Variants in SLC25A32 observed in about 807,000 individuals in gnomAD.
SLC25A32 encodes solute carrier family 25 member 32, also known as Glycine auxotroph B, complementation of hamster.
SLC25A32 carries 32 observed loss-of-function variants against 39.0 expected under a neutral mutation model. The observed-to-expected ratio is 0.82, with a 90% CI of 0.62 to 1.10. SLC25A32 has a LOEUF of 1.10. SLC25A32 is among the 50% of genes least tolerant of loss of function. SLC25A32 has a pLI of 0.00. For missense variants in SLC25A32, 367 were observed against 395.3 expected (o/e 0.93, Z 0.61); for synonymous variants, 166 against 152.4 (o/e 1.09, Z -0.66).
intron 6 of SLC25A32, among the ~76,000 whole-genome samples, chr8:103,401,024 A>G (rs1586109773): frequency 6.6e-6 from 1 of 152,232 alleles, no homozygotes; most frequent in African/African-American, 2.4e-5. Flanking sequence ...TAAACATCCT[A>G]AATGTTCTCC....
chr8:103,414,766 G>A lies in SLC25A32; in HGVS notation c.154+18C>T. The A allele has an allele frequency of 6.2e-7, 1 of 1,613,356 alleles. No individual in the cohort carries two copies. Among genetic ancestry groups the A allele is most frequent in the Non-Finnish European group, 8.5e-7 (1 of 1,179,810 alleles). ...TGACAGTGAGAGGATGCAGCCCGGT[G>A]TCTGGGCGGGCTCTTACCGGCGAAG... On this transcript the variant is annotated intron_variant, in intron 1 of 6. Coordinates refer to ENST00000297578, the MANE Select transcript of SLC25A32 (RefSeq NM_030780.5).
At chr8:103,401,144 CA>C (rs1238076053) in intron 6 of SLC25A32, among the ~76,000 whole-genome samples, 19 of 152,188 alleles carry the variant, frequency 1.2e-4, no homozygotes, top group Non-Finnish European at 2.2e-4. Flanking sequence ...CAAGTATTTG[CA>C]AAAGTTATGG....
In SLC25A32 at chr8:103,407,543, CAACTT is replaced by C. The variant is rs1816358232; in HGVS notation, c.305+86_305+90del. 15 of 1,065,760 alleles carry C rather than the reference CAACTT, an allele frequency of 1.4e-5. No homozygotes were observed. The South Asian group carries it at 2.6e-4, about 18-fold the overall frequency. The allele number at this position is 1,065,760 out of a possible 1,614,324, so 66.0% of individuals were successfully genotyped here. A position where few individuals can be genotyped will look rare whatever the true frequency, so the allele number is the denominator to read the frequency against. On this transcript the variant is annotated intron_variant, in intron 2 of 6. Coordinates refer to ENST00000297578, the MANE Select transcript of SLC25A32 (RefSeq NM_030780.5). ...ATTCAGAGAAACTGATTAAATGACT[CAACTT>C]ATCATTTTACATTTACATGTAAAAA...
chr8:103,399,316 T>C lies in SLC25A32; in HGVS notation c.*1095A>G, dbSNP rs1816166916. On this transcript the variant is annotated 3_prime_UTR_variant, in exon 7 of 7. Transcript: ENST00000297578. ...TCTATTTAGCATCTGTAATAAGTGA[T>C]TTATAGTTATATATGCTAAATAAAG... 1 of 152,232 alleles carries C rather than the reference T, an allele frequency of 6.6e-6. No individual in the cohort carries two copies. The allele number at this position is 152,232 out of a possible 1,614,324, so 9.4% of individuals were successfully genotyped here.
At chr8:103,401,448 C>A in intron 6 of SLC25A32, 68 bp downstream of exon 6, 1 of 1,462,904 alleles carries the variant, frequency 6.8e-7, no homozygotes. Context: ...AAACTAGTAT[C>A]AACAGGATGG....
rs370723155 is a variant in SLC25A32 at position 103,403,235 on chromosome 8, G to A, written c.481C>T (p.Arg161Ter). 1.7e-5 allele frequency: 27 copies of A among 1,611,968 alleles called. No homozygotes were observed. Among genetic ancestry groups the A allele is most frequent in the Non-Finnish European group, 1.8e-5 (21 of 1,178,832 alleles). Residue 161 changes from arginine to a stop codon, truncating the protein, a stop_gained, in exon 4 of 7, where the codon CGA becomes TGA. Transcript: ENST00000297578. LOFTEE classifies it high-confidence loss of function. ...QYDAVVNSPH[R>*]QYKGMFDTLV... Reference sequence around the variant, plus strand: ...GTATCAAACATTCCTTTATATTGTCGGTGTGGGGAGTTAACAACAGCATCA... The same window carrying A: ...GTATCAAACATTCCTTTATATTGTCAGTGTGGGGAGTTAACAACAGCATCA...
chr8:103,415,093 G>A lies in SLC25A32; in HGVS notation c.-156C>T, dbSNP rs1247623049. The A allele has an allele frequency of 3.7e-6, 6 of 1,610,348 alleles. No individual in the cohort carries two copies. In the East Asian group the frequency reaches 6.7e-5, roughly 18 times the overall value. ...ATGCCCAAGGCGCGTGAGCGAAGCC[G>A]GAGACTCTAGTACTGAGGGGGCAAG... On this transcript the variant is annotated 5_prime_UTR_variant, in exon 1 of 7. Transcript: ENST00000297578.
At position 103,414,723 on chromosome 8, in the gene SLC25A32, A is replaced by C. The variant is rs549541582; in HGVS notation, c.154+61T>G. ...CCTCCCCCTAGAACGGAAAAGACGG[A>C]GGAGATCCAGTTCGGGCTGACAGTG... On this transcript the variant is annotated intron_variant, in intron 1 of 6. Coordinates refer to ENST00000297578, the MANE Select transcript of SLC25A32 (RefSeq NM_030780.5). The C allele has an allele frequency of 8.1e-6, 13 of 1,603,282 alleles. No individual in the cohort carries two copies. The African/African-American group carries it at 1.3e-4, about 16-fold the overall frequency.
chr8:103,404,424 T>C (rs758694855), intron 3 of SLC25A32, among the ~76,000 whole-genome samples: 1 of 151,960 alleles, frequency 6.6e-6, no homozygotes, highest in Non-Finnish European at 1.5e-5. Context: ...TGAAACCCCA[T>C]CTCTACTAAA....
intron 1 of SLC25A32, among the ~76,000 whole-genome samples, chr8:103,409,176 GTATT>G (rs902594989): frequency 1.6e-4 from 25 of 152,274 alleles, no homozygotes; most frequent in African/African-American, 6.0e-4. Context: ...TATAAGTAGA[GTATT>G]AAGTATCTCA....
intron 1 of SLC25A32, among the ~76,000 whole-genome samples, chr8:103,410,425 G>A (rs1816440730): frequency 6.6e-6 from 1 of 152,158 alleles, no homozygotes; most frequent in Non-Finnish European, 1.5e-5. Context: ...CCGATCAGTG[G>A]TGGCATTGGG....
At chr8:103,413,425 G>A (rs1225359624) in intron 1 of SLC25A32, among the ~76,000 whole-genome samples, 3 of 152,194 alleles carry the variant, frequency 2.0e-5, no homozygotes, top group Non-Finnish European at 4.4e-5. Context: ...TAGATTACCT[G>A]GGTTTAAATC....
chr8:103,410,216 A>AAT (rs1816434237), intron 1 of SLC25A32, among the ~76,000 whole-genome samples: 1 of 152,204 alleles, frequency 6.6e-6, no homozygotes, highest in African/African-American at 2.4e-5. Flanking sequence ...ATAAAATTAA[A>AAT]ATTGTTATAT....
rs751374583 is a variant in SLC25A32 at position 103,409,813 on chromosome 8, G to A, written c.155-2029C>T. On this transcript the variant is annotated intron_variant, in intron 1 of 6. Coordinates refer to ENST00000297578, the MANE Select transcript of SLC25A32 (RefSeq NM_030780.5). ...TAAAGTACATCAGGTTTTGTCAGAA[G>A]ACCTGGGTTTGATACGTAACCTCCC... Among the ~76,000 whole-genome samples the A allele has an allele frequency of 5.8e-4, 89 of 152,334 alleles. No individual in the cohort carries two copies. In the Middle Eastern group the frequency reaches 0.017, roughly 29 times the overall value.
intron 3 of SLC25A32, among the ~76,000 whole-genome samples, 161 bp downstream of exon 3, chr8:103,404,615 C>T (rs1278270145): frequency 1.3e-5 from 2 of 151,448 alleles, no homozygotes; most frequent in African/African-American, 2.4e-5. Flanking sequence ...AACCAAAAAC[C>T]GAAAAACAAA....
At chr8:103,414,700 T>G in intron 1 of SLC25A32, 84 bp downstream of exon 1, 1 of 1,568,178 alleles carries the variant, frequency 6.4e-7, no homozygotes, top group Middle Eastern at 1.7e-4. Flanking sequence ...ACGCTCCTCC[T>G]CCCCCTAGAA....
At chr8:103,410,917 T>C (rs1816450832) in intron 1 of SLC25A32, among the ~76,000 whole-genome samples, 1 of 152,222 alleles carries the variant, frequency 6.6e-6, no homozygotes, top group African/African-American at 2.4e-5. Context: ...ATGTTAGTTT[T>C]ACCCCTCCTT....
At position 103,399,175 on chromosome 8, in the gene SLC25A32, A is replaced by C. The variant is rs1253779246; in HGVS notation, c.*1236T>G. ...TGAATTTGAGAAACCAATGAAGATTAATCATTTATTTGGGATCTAGATCCA... is the reference window on the plus strand; with the variant it reads ...TGAATTTGAGAAACCAATGAAGATTCATCATTTATTTGGGATCTAGATCCA... On this transcript the variant is annotated 3_prime_UTR_variant, in exon 7 of 7. Coordinates refer to ENST00000297578, the MANE Select transcript of SLC25A32 (RefSeq NM_030780.5). The C allele has an allele frequency of 6.6e-6, 1 of 152,238 alleles. No homozygotes were observed. Among genetic ancestry groups the C allele is most frequent in the African/African-American group, 2.4e-5 (1 of 41,482 alleles). The allele number at this position is 152,238 out of a possible 1,614,324, so 9.4% of individuals were successfully genotyped here. A position where few individuals can be genotyped will look rare whatever the true frequency, so the allele number is the denominator to read the frequency against.
At chr8:103,403,078 T>TA in intron 4 of SLC25A32, 86 bp downstream of exon 4, 1 of 908,680 alleles carries the variant, frequency 1.1e-6, no homozygotes, top group East Asian at 2.7e-5. Context: ...TTTTAGGACT[T>TA]ACTATAGGTC....
Sources: gnomAD v4.1 joint callset for allele counts (sites outside exome capture counted in the v4.1 genomes callset) on GRCh38, gnomAD v4.1.1 for gene constraint, MANE v1.5 for transcripts, NCBI Gene and HGNC (gene_info 2026-07-23, HGNC 2026-07-21) for gene names.